RSU1: variants seen among roughly 807,000 people sequenced by gnomAD.
RSU1 encodes the protein Ras suppressor protein 1, also known as rsu-1.
RSU1 carries 26 observed loss-of-function variants against 31.1 expected under a neutral mutation model. The observed-to-expected ratio is 0.84, with a 90% CI of 0.61 to 1.16. The LOEUF is 1.16. RSU1 is among the 50% of genes most tolerant of loss of function. The pLI is 0.00. For missense variants in RSU1, 320 were observed against 339.1 expected, an observed-to-expected ratio of 0.94 and a Z score of 0.44; for synonymous variants, 164 against 136.3, an observed-to-expected ratio of 1.20 and a Z score of -1.41.
chr10:16,596,512 T>A (rs60605452), intron 8 of RSU1, among the ~76,000 whole-genome samples: 32 of 152,214 alleles, frequency 2.1e-4, no homozygotes, highest in African/African-American at 7.7e-4. Context: ...CCTGGAGGCA[T>A]CAGGTCTCCA....
At chr10:16,664,424 A>T (rs1385691931) in intron 8 of RSU1, among the ~76,000 whole-genome samples, 1 of 152,240 alleles carries the variant, frequency 6.6e-6, no homozygotes, top group Non-Finnish European at 1.5e-5. Flanking sequence ...AACCCAGAGA[A>T]GCAAGGAAGT....
chr10:16,783,603 C>A (rs1837704264), intron 2 of RSU1, among the ~76,000 whole-genome samples: 1 of 151,970 alleles, frequency 6.6e-6, no homozygotes, highest in Non-Finnish European at 1.5e-5. Flanking sequence ...ATCCTCCCAC[C>A]TTGGCCTCCC....
intron 3 of RSU1, among the ~76,000 whole-genome samples, chr10:16,766,297 G>A (rs1382207553): frequency 2.6e-5 from 4 of 152,196 alleles, no homozygotes; most frequent in African/African-American, 9.6e-5. Flanking sequence ...TGGGATACCT[G>A]CAGGAATGCA....
chr10:16,758,175 C>T (rs1837135971), intron 4 of RSU1, among the ~76,000 whole-genome samples: 1 of 151,574 alleles, frequency 6.6e-6, no homozygotes, highest in Non-Finnish European at 1.5e-5. Flanking sequence ...AGAAAGAAGT[C>T]CTTAAACAAA....
At chr10:16,623,455 C>A (rs1834105043) in intron 8 of RSU1, among the ~76,000 whole-genome samples, 2 of 152,224 alleles carry the variant, frequency 1.3e-5, no homozygotes, top group Non-Finnish European at 2.9e-5. Context: ...AGGTTGATTC[C>A]ATGCCTTTGC....
Position 16,752,654 on chromosome 10 carries a change from C to A in RSU1, c.484-1G>T. 2 of 1,607,260 alleles carry A rather than the reference C, an allele frequency of 1.2e-6. No homozygotes were observed. Among genetic ancestry groups the A allele is most frequent in the Non-Finnish European group, 1.7e-6 (2 of 1,174,310 alleles). On this transcript the variant is annotated splice_acceptor_variant, in intron 6 of 8. Transcript: ENST00000345264. LOFTEE classifies it high-confidence loss of function. The stretch of plus-strand genomic sequence containing the variant: ...TCAGGTCGTTATCCCTAAGGCTGAG[C>A]TAAACAGAAGAAAACAAGTTGTCAA...
At position 16,785,469 on chromosome 10, in the gene RSU1, T is replaced by TATATACAC. The variant is rs1190894470; in HGVS notation, c.110-3386_110-3385insGTGTATAT. 4.9e-3 allele frequency among the ~76,000 whole-genome samples: 644 copies of TATATACAC among 130,686 alleles called. 6 individuals carry two copies. Among genetic ancestry groups the TATATACAC allele is most frequent in the Non-Finnish European group, 7.5e-3 (492 of 65,438 alleles). The allele number at this position is 130,686 out of a possible 152,430, so 85.7% of individuals were successfully genotyped here. ...ATATATACATATATACATATATATA[T>TATATACAC]ACACATATATACATATATACATATA... On this transcript the variant is annotated intron_variant, in intron 2 of 8. Transcript: ENST00000345264.
intron 8 of RSU1, among the ~76,000 whole-genome samples, chr10:16,596,674 A>AAAAT (rs770012457): frequency 6.6e-6 from 1 of 152,160 alleles, no homozygotes; most frequent in Non-Finnish European, 1.5e-5. Context: ...ACAGAGCAAA[A>AAAAT]AAATACGTAT....
chr10:16,598,386 G>T (rs1052907971), intron 8 of RSU1, among the ~76,000 whole-genome samples: 1 of 142,594 alleles, frequency 7.0e-6, no homozygotes, highest in Admixed American at 6.7e-5. Context: ...AAAAAGTAAA[G>T]TAAAAAAAAA....
intron 2 of RSU1, among the ~76,000 whole-genome samples, chr10:16,798,872 G>T (rs983787187): frequency 6.6e-6 from 1 of 152,136 alleles, no homozygotes; most frequent in Admixed American, 6.5e-5. Flanking sequence ...CAACACTCCA[G>T]AAAAGAAACT....
intron 3 of RSU1, among the ~76,000 whole-genome samples, chr10:16,769,000 C>G (rs1488269205): frequency 1.3e-5 from 2 of 152,194 alleles, no homozygotes; most frequent in African/African-American, 4.8e-5. Context: ...TCGGTAATAC[C>G]TGCAACAGGC....
At chr10:16,613,346 C>T (rs1833925192) in intron 8 of RSU1, among the ~76,000 whole-genome samples, 1 of 152,346 alleles carries the variant, frequency 6.6e-6, no homozygotes, top group South Asian at 2.1e-4. Context: ...ACAGAGACCA[C>T]CTTCCTGCCA....
intron 8 of RSU1, among the ~76,000 whole-genome samples, chr10:16,597,931 A>C (rs964715700): frequency 2.0e-5 from 3 of 152,192 alleles, no homozygotes; most frequent in African/African-American, 7.2e-5. Context: ...CGTTTTACTA[A>C]GCGGCCATAA....
intron 7 of RSU1, among the ~76,000 whole-genome samples, chr10:16,715,437 T>C (rs573248828): frequency 3.9e-5 from 6 of 152,342 alleles, no homozygotes; most frequent in Admixed American, 2.6e-4. Context: ...ATAGTTGTAG[T>C]TCTTACATTT....
At chr10:16,701,638 A>G (rs2131571154) in intron 7 of RSU1, among the ~76,000 whole-genome samples, 1 of 152,316 alleles carries the variant, frequency 6.6e-6, no homozygotes, top group African/African-American at 2.4e-5. Flanking sequence ...ACACACAAAA[A>G]GATTTAAAAA....
Position 16,592,970 on chromosome 10 carries a change from T to TC in RSU1, c.*423_*424insG. 6.5e-6 allele frequency: 1 copy of TC among 154,292 alleles called. No homozygotes were observed. Among genetic ancestry groups the TC allele is most frequent in the Non-Finnish European group, 1.4e-5 (1 of 69,632 alleles). 9.6% of individuals were successfully genotyped at this position (154,292 alleles called of 1,614,324 possible). The stretch of plus-strand genomic sequence containing the variant: ...AAGTTAAATTAGCATATCTCGGTGG[T>TC]GAAGGAAGACTTTTAATAAAGCAAA... On this transcript the variant is annotated 3_prime_UTR_variant, in exon 9 of 9. Coordinates refer to ENST00000345264, the MANE Select transcript of RSU1 (RefSeq NM_012425.4).
chr10:16,730,934 G>A lies in RSU1; in HGVS notation c.598+21605C>T, dbSNP rs754721335. Among the ~76,000 whole-genome samples, 115 of 152,000 alleles carry A rather than the reference G, an allele frequency of 7.6e-4. 2 individuals carry two copies. Among genetic ancestry groups the A allele is most frequent in the Non-Finnish European group, 1.1e-3 (77 of 67,962 alleles). On this transcript the variant is annotated intron_variant, in intron 7 of 8. Coordinates refer to ENST00000345264, the MANE Select transcript of RSU1 (RefSeq NM_012425.4). The stretch of plus-strand genomic sequence containing the variant: ...CGTCTCCTGGGTTCAAGCGATTCTT[G>A]TGCCTCAGTCTCTGAAGTAGCTGGG...
rs144349882 is a variant in RSU1 at position 16,654,085 on chromosome 10, C to T, written c.731+40938G>A. ...TGGTGTGATCCTGGCTCACTGCAAC[C>T]TCTGCCTCCCGGGCTCAAGCGATTC... On this transcript the variant is annotated intron_variant, in intron 8 of 8. Coordinates refer to ENST00000345264, the MANE Select transcript of RSU1 (RefSeq NM_012425.4). 5.2e-3 allele frequency among the ~76,000 whole-genome samples: 797 copies of T among 152,046 alleles called. 8 individuals are homozygous for T. Among genetic ancestry groups the T allele is most frequent in the African/African-American group, 0.018 (765 of 41,488 alleles).
intron 8 of RSU1, among the ~76,000 whole-genome samples, chr10:16,599,159 G>C (rs1455911353): frequency 6.6e-6 from 1 of 152,244 alleles, no homozygotes; most frequent in African/African-American, 2.4e-5. Context: ...GGACAGAACA[G>C]TCAGTGCCAT....
Sources: gnomAD v4.1 joint callset for allele counts (sites outside exome capture counted in the v4.1 genomes callset) on GRCh38, gnomAD v4.1.1 for gene constraint, MANE v1.5 for transcripts, NCBI Gene and HGNC (gene_info 2026-07-23, HGNC 2026-07-21) for gene names.